Variants in MYRFL observed in about 807,000 individuals in gnomAD.
MYRFL encodes the protein myelin regulatory factor like.
MYRFL carries 88 observed loss-of-function variants against 109.4 expected under a neutral mutation model. That is an observed-to-expected ratio of 0.80 (90% CI 0.68 to 0.96). The LOEUF is 0.96. Among genes scored for constraint, MYRFL ranks in the 40% least tolerant of loss-of-function variants. MYRFL has a pLI of 0.00. For synonymous variants in MYRFL, 324 were observed against 320.9 expected (o/e 1.01, Z -0.10); for missense variants, 957 against 954.9 (o/e 1.00, Z -0.03).
chr12:69,861,014 T>C (rs1791958302), intron 2 of MYRFL, among the ~76,000 whole-genome samples: 1 of 149,302 alleles, frequency 6.7e-6, no homozygotes, highest in Non-Finnish European at 1.5e-5. Flanking sequence ...TTTTTGTTCT[T>C]GCGATAGTTT....
chr12:69,877,035 T>TC (rs1478142590), intron 2 of MYRFL, among the ~76,000 whole-genome samples: 1,626 of 69,062 alleles, frequency 0.024, 6 homozygotes, highest in Non-Finnish European at 0.034. Context: ...TTTTTTTTTT[T>TC]TTTTTTGAGA....
chr12:69,918,223 G>A (rs1298294151), intron 13 of MYRFL, among the ~76,000 whole-genome samples: 1 of 152,190 alleles, frequency 6.6e-6, no homozygotes, highest in East Asian at 1.9e-4. Flanking sequence ...GAGGCTTCAT[G>A]TGCCCTCGCA....
At position 69,887,055 on chromosome 12, in the gene MYRFL, G is replaced by A. The variant is rs560206095; in HGVS notation, c.707+85G>A. 59 of 1,388,618 alleles carry A rather than the reference G, an allele frequency of 4.2e-5. No individual in the cohort carries two copies. The African/African-American group carries it at 7.4e-4, about 17-fold the overall frequency. 86.0% of individuals were successfully genotyped at this position (1,388,618 alleles called of 1,614,324 possible). A position where few individuals can be genotyped will look rare whatever the true frequency, so the allele number is the denominator to read the frequency against. On this transcript the variant is annotated intron_variant, in intron 6 of 24. Coordinates refer to ENST00000552032, the MANE Select transcript of MYRFL (RefSeq NM_182530.3). ...TGAGTTCAAGCACTGGAGCTTTGAT[G>A]TCACCTCTGGTCAAGTGGGGCAAAT... is the stretch of plus-strand genomic sequence containing the variant.
At chr12:69,865,114 A>G (rs1446734185) in intron 2 of MYRFL, among the ~76,000 whole-genome samples, 1 of 152,228 alleles carries the variant, frequency 6.6e-6, no homozygotes, top group Non-Finnish European at 1.5e-5. Context: ...CAACACTCCT[A>G]TAACAAAAGA....
intron 21 of MYRFL, among the ~76,000 whole-genome samples, chr12:69,953,328 A>G (rs998527808): frequency 2.0e-4 from 30 of 152,224 alleles, no homozygotes; most frequent in Non-Finnish European, 4.0e-4. Context: ...CTTTTCAGAT[A>G]GGAGGAAAAA....
chr12:69,828,981 G>A (rs573475733), intron 1 of MYRFL, among the ~76,000 whole-genome samples: 1 of 152,036 alleles, frequency 6.6e-6, no homozygotes, highest in Non-Finnish European at 1.5e-5. Context: ...TGCTTTGTTG[G>A]CTTAGCGTTG....
Position 69,895,380 on chromosome 12 carries a change from A to G in MYRFL, c.990A>G (p.Leu330=). Residue 330 remains leucine, a synonymous_variant, in exon 9 of 25, where the codon CTA becomes CTG. Transcript: ENST00000552032. ...TTGCTGTTTGTTTTAGAATTGACCTACTGGCTGACCAGGTCACCAAAGTAA... is the reference window on the plus strand; with the variant it reads ...TTGCTGTTTGTTTTAGAATTGACCTGCTGGCTGACCAGGTCACCAAAGTAA... ...KKIFNPVKID[L]LADQVTKVTL... 6.5e-7 allele frequency: 1 copy of G among 1,533,820 alleles called. No individual in the cohort carries two copies. Among genetic ancestry groups the G allele is most frequent in the South Asian group, 1.2e-5 (1 of 83,948 alleles).
intron 13 of MYRFL, among the ~76,000 whole-genome samples, chr12:69,924,586 T>C (rs999284552): frequency 4.6e-5 from 7 of 152,186 alleles, no homozygotes; most frequent in Admixed American, 6.5e-5. Flanking sequence ...AATAGACTCC[T>C]AGAAGTGGGT....
chr12:69,849,925 G>A (rs1282361407), intron 1 of MYRFL, among the ~76,000 whole-genome samples: 1 of 152,146 alleles, frequency 6.6e-6, no homozygotes, highest in East Asian at 1.9e-4. Flanking sequence ...TGGGTGGATG[G>A]ATGGGTGATG....
chr12:69,853,893 T>A (rs569047634), intron 1 of MYRFL, among the ~76,000 whole-genome samples: 7 of 150,646 alleles, frequency 4.6e-5, no homozygotes, highest in African/African-American at 1.7e-4. Flanking sequence ...GCTCCTCACA[T>A]CCCAGACGAT....
Position 69,897,182 on chromosome 12 carries a change from A to G in MYRFL, c.1118A>G (p.Tyr373Cys). 1 of 1,535,784 alleles carries G rather than the reference A, an allele frequency of 6.5e-7. No homozygotes were observed. The highest frequency in any genetic ancestry group is 8.7e-7 in the Non-Finnish European group (1 of 1,146,652). The change falls in exon 10 of 25, where the codon TAT becomes TGT. Residue 373 changes from tyrosine to cysteine, a missense_variant. Tyr to Cys is a radical substitution (Grantham distance 194). Coordinates refer to ENST00000552032, the MANE Select transcript of MYRFL (RefSeq NM_182530.3). ...TACTTCATGTTGGTGGTTGGACTGTATGCTGCTAACCAAGACCAGTTCTAT... is the reference window on the plus strand; with the variant it reads ...TACTTCATGTTGGTGGTTGGACTGTGTGCTGCTAACCAAGACCAGTTCTAT... ...QRYFMLVVGL[Y>C]AANQDQFYLL... is the part of the protein sequence containing the mutation.
At chr12:69,944,193 C>G (rs558222922) in intron 19 of MYRFL, among the ~76,000 whole-genome samples, 1 of 143,128 alleles carries the variant, frequency 7.0e-6, no homozygotes, top group African/African-American at 2.7e-5. Flanking sequence ...GGTATATACC[C>G]AAAGGACTAT....
chr12:69,860,092 T>A (rs1290803936), intron 2 of MYRFL, among the ~76,000 whole-genome samples: 1 of 152,156 alleles, frequency 6.6e-6, no homozygotes, highest in Non-Finnish European at 1.5e-5. Context: ...ATGCTCTCCA[T>A]CTGCCCCCAA....
chr12:69,903,299 A>T (rs906733077), intron 10 of MYRFL, among the ~76,000 whole-genome samples: 9 of 152,370 alleles, frequency 5.9e-5, no homozygotes, highest in African/African-American at 2.2e-4. Flanking sequence ...AATCATGATG[A>T]TGATGACTAT....
Position 69,955,449 on chromosome 12 carries a change from G to A in MYRFL, c.2450+12G>A. On this transcript the variant is annotated intron_variant, in intron 22 of 24. Transcript: ENST00000552032. ...TCTCTGGAAATAAAGTAAGTGCATG[G>A]CTGTAAAAAACAATTTCATTTTTAT... 3.4e-6 allele frequency: 2 copies of A among 587,804 alleles called. No homozygotes were observed. Among genetic ancestry groups the A allele is most frequent in the Non-Finnish European group, 6.0e-6 (2 of 334,240 alleles). The allele number at this position is 587,804 out of a possible 1,614,324, so 36.4% of individuals were successfully genotyped here. A position where few individuals can be genotyped will look rare whatever the true frequency, so the allele number is the denominator to read the frequency against.
intron 15 of MYRFL, among the ~76,000 whole-genome samples, 186 bp from the exon 16 acceptor site, chr12:69,932,327 G>GAGAT (rs1367560807): frequency 7.2e-5 from 11 of 152,200 alleles, no homozygotes; most frequent in African/African-American, 2.7e-4. Context: ...GGAGGTACTT[G>GAGAT]AGATAGACTT....
chr12:69,958,661 A>C lies in MYRFL; in HGVS notation c.*130A>C, dbSNP rs1339301347. The C allele has an allele frequency of 2.4e-5, 16 of 665,680 alleles. No individual in the cohort carries two copies. In the East Asian group the frequency reaches 4.5e-4, roughly 19 times the overall value. 41.2% of individuals were successfully genotyped at this position (665,680 alleles called of 1,614,324 possible). ...ACGTTTATTGCTGAAGGACTTTTTC[A>C]GGCTTTAGCTTCCAACAGTTTTGAG... On this transcript the variant is annotated 3_prime_UTR_variant, in exon 25 of 25. Transcript: ENST00000552032.
rs190427335 is a variant in MYRFL at position 69,883,507 on chromosome 12, G to T, written c.556+3215G>T. On this transcript the variant is annotated intron_variant, in intron 5 of 24. Transcript: ENST00000552032. Reference sequence around the variant, plus strand: ...TGGAGTACAATATGGCAATGAGAATGAGCAAAGCACTGCCATTTGCAACAC... The same window carrying T: ...TGGAGTACAATATGGCAATGAGAATTAGCAAAGCACTGCCATTTGCAACAC... Among the ~76,000 whole-genome samples the T allele has an allele frequency of 1.1e-4, 16 of 152,226 alleles. 1 individual carries two copies. The highest frequency in any genetic ancestry group is 4.1e-4 in the South Asian group (2 of 4,822).
rs1284950076 is a variant in MYRFL at position 69,941,913 on chromosome 12, G to A, written c.2224+5281G>A. Reference sequence around the variant, plus strand: ...CAGAGAATACTACAAACACCTCTACGCAAATAAACTAGAAAATCTAGAAGA... The same window carrying A: ...CAGAGAATACTACAAACACCTCTACACAAATAAACTAGAAAATCTAGAAGA... On this transcript the variant is annotated intron_variant, in intron 19 of 24. Coordinates refer to ENST00000552032, the MANE Select transcript of MYRFL (RefSeq NM_182530.3). Among the ~76,000 whole-genome samples, 56 of 149,664 alleles carry A rather than the reference G, an allele frequency of 3.7e-4. No homozygotes were observed. In the East Asian group the frequency reaches 9.4e-3, roughly 25 times the overall value.
Sources: gnomAD v4.1 joint callset for allele counts (sites outside exome capture counted in the v4.1 genomes callset) on GRCh38, gnomAD v4.1.1 for gene constraint, MANE v1.5 for transcripts, NCBI Gene and HGNC (gene_info 2026-07-23, HGNC 2026-07-21) for gene names.